The following ARID4B variants were observed in gnomAD, a reference collection of about 807,000 sequenced individuals.
The protein encoded by ARID4B is AT-rich interaction domain 4B, also known as AT-rich interactive domain-containing protein 4B.
In ARID4B, 26 loss-of-function variants were observed where a neutral mutation model predicts 147.5. The observed-to-expected ratio is 0.18, with a 90% CI of 0.13 to 0.24. ARID4B has a LOEUF of 0.24. Among genes scored for constraint, ARID4B ranks in the 10% least tolerant of loss-of-function variants. The pLI is 1.00. For missense variants in ARID4B, 1,179 were observed against 1,511.5 expected, an observed-to-expected ratio of 0.78 and a Z score of 3.65; for synonymous variants, 512 against 507.9, an observed-to-expected ratio of 1.01 and a Z score of -0.11.
chr1:235,200,881 T>C (rs985712356), intron 17 of ARID4B, among the ~76,000 whole-genome samples: 1 of 152,166 alleles, frequency 6.6e-6, no homozygotes, highest in Admixed American at 6.5e-5. Flanking sequence ...CGGTGGCTTA[T>C]GCCTGTAATC....
chr1:235,184,230 G>A (rs1174858673), intron 19 of ARID4B, among the ~76,000 whole-genome samples: 5 of 151,952 alleles, frequency 3.3e-5, no homozygotes, highest in African/African-American at 9.7e-5. Flanking sequence ...GTTCATTCTG[G>A]TAAATCATTT....
chr1:235,315,666 T>C (rs1198019522), intron 2 of ARID4B, among the ~76,000 whole-genome samples: 1 of 152,154 alleles, frequency 6.6e-6, no homozygotes, highest in Non-Finnish European at 1.5e-5. Context: ...AATTAGCCCG[T>C]TCTACCACCT....
intron 2 of ARID4B, among the ~76,000 whole-genome samples, chr1:235,293,934 A>G (rs993885042): frequency 6.6e-6 from 1 of 152,218 alleles, no homozygotes; most frequent in African/African-American, 2.4e-5. Flanking sequence ...AAATTTCAGT[A>G]TATTAGACTG....
rs75636924 is a variant in ARID4B, at chr1:235,208,044, T to C, written c.1841+5725A>G. 4.2e-3 allele frequency among the ~76,000 whole-genome samples: 634 copies of C among 152,266 alleles called. 7 individuals are homozygous for C. The highest frequency in any genetic ancestry group is 0.015 in the African/African-American group (606 of 41,564). ...TTAATGCAGCTGGTGATCTTCAACA[T>C]ACAAAAAATTATTCTCTAACTAAAT... is the stretch of plus-strand genomic sequence containing the variant. On this transcript the variant is annotated intron_variant, in intron 17 of 23. Transcript: ENST00000264183.
intron 14 of ARID4B, among the ~76,000 whole-genome samples, chr1:235,220,930 C>T (rs1338258897): frequency 7.9e-5 from 12 of 151,688 alleles, no homozygotes; most frequent in African/African-American, 2.9e-4. Flanking sequence ...GACAGCCTTA[C>T]TCTGTTGCCC....
At chr1:235,281,528 G>C (rs1671672475) in intron 2 of ARID4B, among the ~76,000 whole-genome samples, 1 of 152,094 alleles carries the variant, frequency 6.6e-6, no homozygotes, top group Admixed American at 6.6e-5. Flanking sequence ...TCCAGCCTGG[G>C]CAACAGAGCG....
At chr1:235,227,217 A>G (rs1246546829) in intron 11 of ARID4B, among the ~76,000 whole-genome samples, 5 of 152,188 alleles carry the variant, frequency 3.3e-5, no homozygotes, top group Non-Finnish European at 7.3e-5. Flanking sequence ...TTCAAGGGGG[A>G]GGACACAGAA....
intron 2 of ARID4B, among the ~76,000 whole-genome samples, chr1:235,295,663 A>T (rs762319326): frequency 6.6e-6 from 1 of 151,826 alleles, no homozygotes; most frequent in Non-Finnish European, 1.5e-5. Flanking sequence ...TACAAAAATT[A>T]GCCAGGCATG....
intron 5 of ARID4B, among the ~76,000 whole-genome samples, chr1:235,255,220 T>TATATATATAGAGAGAGAGAGAGAGAG (rs1264196304): frequency 9.6e-5 from 6 of 62,388 alleles, no homozygotes; most frequent in Middle Eastern, 0.011. Flanking sequence ...TGCTGGGAGC[T>TATATATATAGAGAGAGAGAGAGAGAG]AGATAGATAG....
chr1:235,272,875 T>G (rs984773327), intron 2 of ARID4B, among the ~76,000 whole-genome samples: 6 of 152,066 alleles, frequency 3.9e-5, no homozygotes, highest in Admixed American at 6.5e-5. Context: ...TCAGATCACG[T>G]AGAAATTAGT....
chr1:235,235,226 G>A (rs1668475146), intron 8 of ARID4B, among the ~76,000 whole-genome samples: 2 of 152,182 alleles, frequency 1.3e-5, no homozygotes, highest in Non-Finnish European at 2.9e-5. Flanking sequence ...CCAAGTTTGT[G>A]CATGAGGGAA....
At chr1:235,243,117 T>A (rs1426262605) in intron 7 of ARID4B, among the ~76,000 whole-genome samples, 3 of 152,164 alleles carry the variant, frequency 2.0e-5, no homozygotes, top group Non-Finnish European at 4.4e-5. Flanking sequence ...ATATCTCAAG[T>A]ACCTGAACAA....
At chr1:235,199,040 A>G (rs1270799133) in intron 17 of ARID4B, among the ~76,000 whole-genome samples, 1 of 152,194 alleles carries the variant, frequency 6.6e-6, no homozygotes, top group Non-Finnish European at 1.5e-5. Flanking sequence ...CGGAGGTTGC[A>G]GTGAGCCGAG....
chr1:235,326,827 C>T (rs1342674861), intron 2 of ARID4B, 87 bp downstream of exon 2: 1 of 1,531,012 alleles, frequency 6.5e-7, no homozygotes, highest in Non-Finnish European at 9.0e-7. Flanking sequence ...CTGCAAAACT[C>T]GGAAGCCCCA....
intron 16 of ARID4B, among the ~76,000 whole-genome samples, chr1:235,218,038 C>G (rs2103018349): frequency 6.6e-6 from 1 of 152,160 alleles, no homozygotes; most frequent in Admixed American, 6.5e-5. Context: ...GCTATAATAA[C>G]AGTTATGTGA....
In ARID4B at chr1:235,221,546, A is replaced by G; in HGVS notation, c.1163+19T>C. ...AGGTAAAAATACTGAAGATAATCAT[A>G]TCAATTATACTAACTTACTTTTTAT... On this transcript the variant is annotated intron_variant, in intron 14 of 23. Transcript: ENST00000264183. 1 of 1,367,068 alleles carries G rather than the reference A, an allele frequency of 7.3e-7. No individual in the cohort carries two copies. Among genetic ancestry groups the G allele is most frequent in the Non-Finnish European group, 1.0e-6 (1 of 969,738 alleles). The allele number at this position is 1,367,068 out of a possible 1,614,324, so 84.7% of individuals were successfully genotyped here.
chr1:235,272,697 A>G (rs1189168790), intron 2 of ARID4B, among the ~76,000 whole-genome samples: 1 of 150,954 alleles, frequency 6.6e-6, no homozygotes, highest in African/African-American at 2.4e-5. Context: ...CTTTTATATT[A>G]TACATTTATT....
At chr1:235,176,035 G>T (rs1442668653) in intron 21 of ARID4B, among the ~76,000 whole-genome samples, 1 of 152,074 alleles carries the variant, frequency 6.6e-6, no homozygotes, top group Non-Finnish European at 1.5e-5. Flanking sequence ...CACTAAAATG[G>T]AAATACTTGA....
intron 7 of ARID4B, among the ~76,000 whole-genome samples, chr1:235,243,643 T>C (rs1669127719): frequency 6.6e-6 from 1 of 152,118 alleles, no homozygotes; most frequent in Non-Finnish European, 1.5e-5. Flanking sequence ...AGACAAGATA[T>C]GGGCCAAGGA....
Sources: allele counts gnomAD v4.1 joint callset (sites outside exome capture counted in the v4.1 genomes callset), GRCh38; gene constraint gnomAD v4.1.1; transcripts MANE v1.5; gene names NCBI Gene and HGNC (gene_info 2026-07-23, HGNC 2026-07-21).